The following EPM2A variants were observed in gnomAD, a reference collection of about 807,000 sequenced individuals.
The protein encoded by EPM2A is EPM2A glucan phosphatase, laforin.
Under a neutral mutation model 26.5 loss-of-function variants are expected in EPM2A, and 21 were observed. That is an observed-to-expected ratio of 0.79 (90% confidence interval 0.56 to 1.14). The LOEUF (loss-of-function observed/expected upper bound fraction) is 1.14. EPM2A is among the 50% of genes most tolerant of loss of function. The probability of loss-of-function intolerance (pLI) is 0.00; values close to 1 mark genes in which losing one functional copy is unlikely to be tolerated. For missense variants in EPM2A, 458 were observed against 440.8 expected (o/e 1.04, Z -0.35); for synonymous variants, 217 against 177.6 (o/e 1.22, Z -1.76).
intron 4 of EPM2A, among the ~76,000 whole-genome samples, chr6:145,484,202 G>A (rs1779645832): frequency 6.6e-6 from 1 of 152,078 alleles, no homozygotes; most frequent in Non-Finnish European, 1.5e-5. Context: ...GCAGACAACT[G>A]TGTTTAGGTA....
intron 4 of EPM2A, among the ~76,000 whole-genome samples, chr6:145,394,824 T>C (rs1582720748): frequency 2.6e-5 from 4 of 152,162 alleles, no homozygotes; most frequent in African/African-American, 7.2e-5. Flanking sequence ...TTCACTAATA[T>C]AGTCATTCTC....
At chr6:145,507,213 C>G (rs770905822) in intron 2 of EPM2A, among the ~76,000 whole-genome samples, 1 of 152,160 alleles carries the variant, frequency 6.6e-6, no homozygotes, top group African/African-American at 2.4e-5. Flanking sequence ...AAAACCTTTT[C>G]TTTTCCCAAG....
intron 1 of EPM2A, among the ~76,000 whole-genome samples, chr6:145,718,227 G>A (rs1397943425): frequency 6.6e-6 from 1 of 151,022 alleles, no homozygotes; most frequent in Non-Finnish European, 1.5e-5. Flanking sequence ...TATACTACAA[G>A]GCTACAGTAA....
chr6:145,728,250 A>C (rs967418702), intron 1 of EPM2A, among the ~76,000 whole-genome samples: 2 of 152,228 alleles, frequency 1.3e-5, no homozygotes, highest in African/African-American at 4.8e-5. Context: ...ATTACTATAA[A>C]GATACCTGAA....
chr6:145,563,464 C>T (rs1001255016), intron 2 of EPM2A, among the ~76,000 whole-genome samples: 2 of 151,564 alleles, frequency 1.3e-5, no homozygotes, highest in Non-Finnish European at 2.9e-5. Context: ...GAGGAAGATG[C>T]GGTTAGAGAG....
chr6:145,421,418 G>A (rs6925779), intron 4 of EPM2A, among the ~76,000 whole-genome samples: 120,239 of 151,976 alleles, frequency 0.79, 47,674 homozygotes, highest in East Asian at 0.91. Flanking sequence ...ATGCATTTGT[G>A]TATCTTTGTA....
intron 2 of EPM2A, among the ~76,000 whole-genome samples, chr6:145,649,733 C>T (rs1777738932): frequency 1.3e-5 from 2 of 152,208 alleles, no homozygotes; most frequent in Admixed American, 6.5e-5. Flanking sequence ...TTTATTGGCA[C>T]ACAGCCACAC....
At chr6:145,597,701 A>C (rs1781366512) in intron 2 of EPM2A, among the ~76,000 whole-genome samples, 1 of 152,128 alleles carries the variant, frequency 6.6e-6, no homozygotes, top group African/African-American at 2.4e-5. Context: ...AGTACCCAAC[A>C]GTTACTTTTT....
chr6:145,675,734 A>G (rs376375912), intron 2 of EPM2A, among the ~76,000 whole-genome samples: 13 of 152,224 alleles, frequency 8.5e-5, no homozygotes, highest in East Asian at 3.8e-4. Flanking sequence ...AGAATTAACT[A>G]TCTTAAATAT....
intron 2 of EPM2A, among the ~76,000 whole-genome samples, chr6:145,503,712 A>T (rs1384441250): frequency 1.1e-5 from 1 of 88,596 alleles, no homozygotes; most frequent in Non-Finnish European, 2.2e-5. Context: ...CAAGCTACCA[A>T]TGACTTTCTT....
intron 4 of EPM2A, chr6:145,384,122 G>A (rs970862116): frequency 4.6e-5 from 7 of 151,842 alleles, no homozygotes; most frequent in Non-Finnish European, 7.4e-5. Context: ...TGAGAGGGGA[G>A]AGTCTTGAGA....
rs532953792 is a variant in EPM2A, at chr6:145,664,604, C to T, written c.476+21518G>A. Among the ~76,000 whole-genome samples, 126 of 151,518 alleles carry T rather than the reference C, an allele frequency of 8.3e-4. 2 individuals carry two copies. Among genetic ancestry groups the T allele is most frequent in the South Asian group, 4.8e-3 (23 of 4,780 alleles). Reference sequence around the variant, plus strand: ...CCACTGTCAATATTAGACAGATCAACGAGACAGAAAGTCAACAAGGATACC... The same window carrying T: ...CCACTGTCAATATTAGACAGATCAATGAGACAGAAAGTCAACAAGGATACC... On this transcript the variant is annotated intron_variant, in intron 2 of 3. Coordinates refer to ENST00000367519, the MANE Select transcript of EPM2A (RefSeq NM_005670.4).
rs115592490 is a variant in EPM2A, at chr6:145,473,068, G to A, written c.555+29454C>T. 5.2e-3 allele frequency among the ~76,000 whole-genome samples: 791 copies of A among 151,980 alleles called. 6 individuals are homozygous for A. The highest frequency in any genetic ancestry group is 0.016 in the African/African-American group (650 of 41,464). The stretch of plus-strand genomic sequence containing the variant: ...ATGAATGAACCAAATAAGCACAAGG[G>A]AACAATCCTGGAGAAACAGAGATAT... On this transcript the variant is annotated intron_variant, in intron 4 of 4. Coordinates refer to the EPM2A transcript ENST00000638717.
intron 2 of EPM2A, among the ~76,000 whole-genome samples, chr6:145,646,516 T>A (rs184695913): frequency 6.6e-6 from 1 of 152,178 alleles, no homozygotes; most frequent in African/African-American, 2.4e-5. Flanking sequence ...ATTCCATCAC[T>A]AGGTGATTGC....
At chr6:145,688,091 G>T (rs370537663) in intron 1 of EPM2A, among the ~76,000 whole-genome samples, 6 of 152,162 alleles carry the variant, frequency 3.9e-5, no homozygotes, top group East Asian at 3.9e-4. Context: ...CAGGTACTGT[G>T]CTAGGTCATG....
At chr6:145,495,252 T>C (rs1779801891) in intron 4 of EPM2A, among the ~76,000 whole-genome samples, 1 of 152,196 alleles carries the variant, frequency 6.6e-6, no homozygotes, top group Non-Finnish European at 1.5e-5. Context: ...CCTTCTTTTT[T>C]ATAATCTTTG....
At position 145,698,935 on chromosome 6, in the gene EPM2A, A is replaced by G. The variant is rs1781768902; in HGVS notation, c.302-12639T>C. Reference sequence around the variant, plus strand: ...CTATCTGCAAGCCAGGAAGAGAAGCATTACCAGTAACGGAATCTGCCAGCA... The same window carrying G: ...CTATCTGCAAGCCAGGAAGAGAAGCGTTACCAGTAACGGAATCTGCCAGCA... On this transcript the variant is annotated intron_variant, in intron 1 of 3. Coordinates refer to ENST00000367519, the MANE Select transcript of EPM2A (RefSeq NM_005670.4). Among the ~76,000 whole-genome samples, 3 of 152,336 alleles carry G rather than the reference A, an allele frequency of 2.0e-5. No individual in the cohort carries two copies. The South Asian group carries it at 6.2e-4, about 32-fold the overall frequency.
chr6:145,677,252 T>C (rs1780123019), intron 2 of EPM2A, among the ~76,000 whole-genome samples: 2 of 152,156 alleles, frequency 1.3e-5, no homozygotes, highest in African/African-American at 4.8e-5. Context: ...CTAAAAACTC[T>C]CAATAAACTA....
chr6:145,529,300 C>A (rs189902000), intron 2 of EPM2A, among the ~76,000 whole-genome samples: 1 of 152,074 alleles, frequency 6.6e-6, no homozygotes. Flanking sequence ...TGCTGTCAAC[C>A]AACATCACAT....
Sources: gnomAD v4.1 joint callset for allele counts (sites outside exome capture counted in the v4.1 genomes callset) on GRCh38, gnomAD v4.1.1 for gene constraint, MANE v1.5 for transcripts, NCBI Gene and HGNC (gene_info 2026-07-23, HGNC 2026-07-21) for gene names.